Variants in STX11 observed in about 807,000 individuals in gnomAD.
STX11 encodes syntaxin 11, also known as syntaxin-11.
Under a neutral mutation model 19.9 loss-of-function variants are expected in STX11, and 21 were observed. That is an observed-to-expected ratio of 1.06 (90% CI 0.75 to 1.52). The LOEUF is 1.52. STX11 is among the 40% of genes most tolerant of loss of function. STX11 has a pLI of 0.00. For synonymous variants in STX11, 193 were observed against 174.4 expected (o/e 1.11, Z -0.84); for missense variants, 438 against 405.9 (o/e 1.08, Z -0.68).
rs1257050703 is a variant in STX11, at chr6:144,191,051, C to T, written c.*3560C>T. 2.0e-5 allele frequency among the ~76,000 whole-genome samples: 3 copies of T among 152,002 alleles called. No homozygotes were observed. In the East Asian group the frequency reaches 5.8e-4, roughly 29 times the overall value. ...GTGGCAATTCTGCAAATTTTATACA[C>T]TCATATCTTTTAGGGTACAAAATGA... On this transcript the variant is annotated 3_prime_UTR_variant, in exon 2 of 2. Transcript: ENST00000367568.
In STX11 at chr6:144,160,905, C is replaced by T. The variant is rs868642702; in HGVS notation, c.-6+10202C>T. On this transcript the variant is annotated intron_variant, in intron 1 of 1. Transcript: ENST00000367568. This position sits in a 1 kb window ranked among gnomAD's most constrained non-coding sequence, Gnocchi z 4.3. ...TTTGCCATGTATTTTCATATCTTTCCTCACCCCCTTTGGCATATTCCTTGG... is the reference window on the plus strand; with the variant it reads ...TTTGCCATGTATTTTCATATCTTTCTTCACCCCCTTTGGCATATTCCTTGG... Among the ~76,000 whole-genome samples, 1 of 152,164 alleles carries T rather than the reference C, an allele frequency of 6.6e-6. No homozygotes were observed. Among genetic ancestry groups the T allele is most frequent in the African/African-American group, 2.4e-5 (1 of 41,448 alleles).
intron 1 of STX11, among the ~76,000 whole-genome samples, chr6:144,161,317 G>A (rs977369333): frequency 2.6e-5 from 4 of 152,160 alleles, no homozygotes; most frequent in African/African-American, 9.7e-5. Flanking sequence ...TTAACAGTTA[G>A]TGGAGGAAAA....
In STX11 at chr6:144,186,892, A is replaced by G. The variant is rs1802055097; in HGVS notation, c.265A>G (p.Ile89Val). Reference protein sequence around the residue: ...LSSIKRDTNSIAKAIKARGEV... With the variant: ...LSSIKRDTNSVAKAIKARGEV... ...CAGCATCAAGCGCGACACCAACTCC[A>G]TCGCCAAGGCCATCAAGGCCCGGGG... The change falls in exon 2 of 2, where the codon ATC (isoleucine) becomes GTC (valine). Residue 89 changes from isoleucine to valine, a missense_variant. Ile to Val is a conservative substitution (Grantham distance 29). Transcript: ENST00000367568. 1.2e-6 allele frequency: 2 copies of G among 1,611,932 alleles called. No individual in the cohort carries two copies. Among genetic ancestry groups the G allele is most frequent in the African/African-American group, 2.7e-5 (2 of 74,934 alleles).
In STX11 at chr6:144,151,581, T is replaced by A. The variant is rs1349444610; in HGVS notation, c.-6+878T>A. Among the ~76,000 whole-genome samples, 1 of 152,236 alleles carries A rather than the reference T, an allele frequency of 6.6e-6. No homozygotes were observed. Among genetic ancestry groups the A allele is most frequent in the Non-Finnish European group, 1.5e-5 (1 of 68,032 alleles). On this transcript the variant is annotated intron_variant, in intron 1 of 1. Coordinates refer to ENST00000367568, the MANE Select transcript of STX11 (RefSeq NM_003764.4). The surrounding 1 kb of genome is among the most constrained non-coding windows in gnomAD (Gnocchi z 4.6). ...GTTTTCAGTTTCCTAAGGCGCCTGA[T>A]GTTACAACATGCCAGTAAAGGTCAC...
chr6:144,141,174 A>C, the STX11 span, among the ~76,000 whole-genome samples: 6 of 152,226 alleles, frequency 3.9e-5, no homozygotes, highest in African/African-American at 1.4e-4. Flanking sequence ...GGTTTCCATA[A>C]AGAGCTATTA....
chr6:144,141,557 G>A, the STX11 span, among the ~76,000 whole-genome samples: 3 of 151,908 alleles, frequency 2.0e-5, no homozygotes, highest in Non-Finnish European at 4.4e-5. Flanking sequence ...TCTTTTTTTA[G>A]TATTTTTTCT....
In STX11 at chr6:144,152,753, C is replaced by T. The variant is rs1342389927; in HGVS notation, c.-6+2050C>T. ...CGTTTAAGCAATTCTTGTGCTTCAG[C>T]GTCCCAAGTAGCTGGGACTACAGAC... On this transcript the variant is annotated intron_variant, in intron 1 of 1. Coordinates refer to ENST00000367568, the MANE Select transcript of STX11 (RefSeq NM_003764.4). The surrounding 1 kb of genome is among the most constrained non-coding windows in gnomAD (Gnocchi z 4.9). 1.3e-5 allele frequency among the ~76,000 whole-genome samples: 2 copies of T among 152,204 alleles called. No homozygotes were observed. The highest frequency in any genetic ancestry group is 6.5e-5 in the Admixed American group (1 of 15,288).
At position 144,176,257 on chromosome 6, in the gene STX11, A is replaced by C. The variant is rs1319674521; in HGVS notation, c.-5-10366A>C. On this transcript the variant is annotated intron_variant, in intron 1 of 1. Transcript: ENST00000367568. This position sits in a 1 kb window ranked among gnomAD's most constrained non-coding sequence, Gnocchi z 4.1. ...CTAACTCCCCCAACAGCTTCAGTGC[A>C]TGATTAAGTGGAAAGGGCATGAACT... Among the ~76,000 whole-genome samples, 1 of 152,138 alleles carries C rather than the reference A, an allele frequency of 6.6e-6. No individual in the cohort carries two copies. The highest frequency in any genetic ancestry group is 2.4e-5 in the African/African-American group (1 of 41,412).
chr6:144,141,457 C>T, the STX11 span, among the ~76,000 whole-genome samples: 6 of 152,126 alleles, frequency 3.9e-5, no homozygotes, highest in African/African-American at 1.4e-4. Flanking sequence ...GTTTTCTACC[C>T]CTATTGGCGT....
rs999546986 is a variant in STX11 at position 144,167,149 on chromosome 6, T to C, written c.-6+16446T>C. Among the ~76,000 whole-genome samples, 1 of 152,226 alleles carries C rather than the reference T, an allele frequency of 6.6e-6. No individual in the cohort carries two copies. The highest frequency in any genetic ancestry group is 1.5e-5 in the Non-Finnish European group (1 of 68,038). Reference sequence around the variant, plus strand: ...GAAAAGAATCTGGAAGAATATGTATTATATTTTATCATTGGTTATTTTATA... The same window carrying C: ...GAAAAGAATCTGGAAGAATATGTATCATATTTTATCATTGGTTATTTTATA... On this transcript the variant is annotated intron_variant, in intron 1 of 1. Coordinates refer to ENST00000367568, the MANE Select transcript of STX11 (RefSeq NM_003764.4). This position sits in a 1 kb window ranked among gnomAD's most constrained non-coding sequence, Gnocchi z 5.0.
At chr6:144,146,017 A>T (rs180732966), upstream of STX11, among the ~76,000 whole-genome samples, 41 of 152,328 alleles carry the variant, frequency 2.7e-4, no homozygotes, top group African/African-American at 9.6e-4. This position sits in a 1 kb window ranked among gnomAD's most constrained non-coding sequence, Gnocchi z 4.4. Context: ...ATCTGCAAAG[A>T]GTTCTCGAAC....
chr6:144,190,426 G>A lies in STX11; in HGVS notation c.*2935G>A, dbSNP rs751214189. Among the ~76,000 whole-genome samples the A allele has an allele frequency of 1.3e-5, 2 of 152,184 alleles. No homozygotes were observed. The highest frequency in any genetic ancestry group is 4.8e-5 in the African/African-American group (2 of 41,446). ...CTTTGTTCATTATTGTTGTTATTAT[G>A]TAATTTTCTCTCAGACTGAGAGCAC... is the stretch of plus-strand genomic sequence containing the variant. On this transcript the variant is annotated 3_prime_UTR_variant, in exon 2 of 2. Coordinates refer to ENST00000367568, the MANE Select transcript of STX11 (RefSeq NM_003764.4).
At chr6:144,150,078 C>A (rs1164368459), upstream of STX11, among the ~76,000 whole-genome samples, 1 of 152,196 alleles carries the variant, frequency 6.6e-6, no homozygotes, top group African/African-American at 2.4e-5. Context: ...TCCTCGCCCG[C>A]GTCCTCGAGG....
At position 144,167,179 on chromosome 6, in the gene STX11, T is replaced by G. The variant is rs1159251856; in HGVS notation, c.-6+16476T>G. Among the ~76,000 whole-genome samples the G allele has an allele frequency of 1.3e-5, 2 of 152,274 alleles. No homozygotes were observed. The highest frequency in any genetic ancestry group is 2.4e-5 in the African/African-American group (1 of 41,476). On this transcript the variant is annotated intron_variant, in intron 1 of 1. Coordinates refer to ENST00000367568, the MANE Select transcript of STX11 (RefSeq NM_003764.4). This position sits in a 1 kb window ranked among gnomAD's most constrained non-coding sequence, Gnocchi z 5.0. Reference sequence around the variant, plus strand: ...TTTATCATTGGTTATTTTATAGAATTAGTATATATAGTTGTATTAGATGAT... The same window carrying G: ...TTTATCATTGGTTATTTTATAGAATGAGTATATATAGTTGTATTAGATGAT...
rs1802183680 is a variant in STX11 at position 144,190,328 on chromosome 6, C to G, written c.*2837C>G. Among the ~76,000 whole-genome samples the G allele has an allele frequency of 6.6e-6, 1 of 152,200 alleles. No homozygotes were observed. Among genetic ancestry groups the G allele is most frequent in the Non-Finnish European group, 1.5e-5 (1 of 68,040 alleles). On this transcript the variant is annotated 3_prime_UTR_variant, in exon 2 of 2. Coordinates refer to ENST00000367568, the MANE Select transcript of STX11 (RefSeq NM_003764.4). Reference sequence around the variant, plus strand: ...AAAACGGAGATAACAGTACTTACCTCATAGAGCTGTTGTGAAAAGTGATGA... The same window carrying G: ...AAAACGGAGATAACAGTACTTACCTGATAGAGCTGTTGTGAAAAGTGATGA...
At position 144,162,063 on chromosome 6, in the gene STX11, C is replaced by T. The variant is rs1318640500; in HGVS notation, c.-6+11360C>T. 1.3e-5 allele frequency among the ~76,000 whole-genome samples: 2 copies of T among 152,166 alleles called. No homozygotes were observed. Among genetic ancestry groups the T allele is most frequent in the Admixed American group, 6.5e-5 (1 of 15,280 alleles). ...TCCTCTTTTCAGTTGGCTACCTCTACCGCACTCTAGATTCTCTTTTACCCT... is the reference window on the plus strand; with the variant it reads ...TCCTCTTTTCAGTTGGCTACCTCTATCGCACTCTAGATTCTCTTTTACCCT... On this transcript the variant is annotated intron_variant, in intron 1 of 1. Coordinates refer to ENST00000367568, the MANE Select transcript of STX11 (RefSeq NM_003764.4). This position sits in a 1 kb window ranked among gnomAD's most constrained non-coding sequence, Gnocchi z 4.6.
Position 144,153,387 on chromosome 6 carries a change from G to A in STX11, c.-6+2684G>A, listed in dbSNP as rs1325762219. Among the ~76,000 whole-genome samples the A allele has an allele frequency of 6.6e-6, 1 of 152,110 alleles. No homozygotes were observed. The highest frequency in any genetic ancestry group is 1.5e-5 in the Non-Finnish European group (1 of 68,030). On this transcript the variant is annotated intron_variant, in intron 1 of 1. Coordinates refer to ENST00000367568, the MANE Select transcript of STX11 (RefSeq NM_003764.4). The surrounding 1 kb of genome is among the most constrained non-coding windows in gnomAD (Gnocchi z 5.0). The stretch of plus-strand genomic sequence containing the variant: ...TAGGAGGATGAATTGTCAGGCAAGT[G>A]GAATTGTCTGCTGTAGGTGACCCAG...
At position 144,155,999 on chromosome 6, in the gene STX11, T is replaced by TCTCC. The variant is rs1801140114; in HGVS notation, c.-6+5296_-6+5297insCTCC. Among the ~76,000 whole-genome samples, 2 of 129,668 alleles carry TCTCC rather than the reference T, an allele frequency of 1.5e-5. No individual in the cohort carries two copies. The highest frequency in any genetic ancestry group is 8.3e-5 in the African/African-American group (2 of 24,108). The allele number at this position is 129,668 out of a possible 152,430, so 85.1% of individuals were successfully genotyped here. ...CTTTCTTTCTTTCTTTCTTTCTTTC[T>TCTCC]TTCTTTCTTTCTTTCTCTCTTTCTC... is the stretch of plus-strand genomic sequence containing the variant. On this transcript the variant is annotated intron_variant, in intron 1 of 1. Transcript: ENST00000367568. This position sits in a 1 kb window ranked among gnomAD's most constrained non-coding sequence, Gnocchi z 4.5.
chr6:144,146,785 G>A (rs1048338854), upstream of STX11, among the ~76,000 whole-genome samples: 9 of 151,854 alleles, frequency 5.9e-5, no homozygotes, highest in Non-Finnish European at 8.8e-5. This position sits in a 1 kb window ranked among gnomAD's most constrained non-coding sequence, Gnocchi z 4.4. Context: ...TCTAACTCCC[G>A]GGCTCAAGTG....
Sources: gnomAD v4.1 joint callset for allele counts (sites outside exome capture counted in the v4.1 genomes callset) on GRCh38, gnomAD v4.1.1 for gene constraint, Gnocchi (gnomAD v3.1) non-coding constraint, MANE v1.5 for transcripts, NCBI Gene and HGNC (gene_info 2026-07-23, HGNC 2026-07-21) for gene names.